Variants in LAMA1 observed in about 807,000 individuals in gnomAD.
LAMA1 encodes laminin subunit alpha-1.
LAMA1 carries 219 observed loss-of-function variants against 348.7 expected under a neutral mutation model. The ratio of observed to expected loss-of-function variants is 0.63; its 90% CI spans 0.56 to 0.70. The LOEUF (loss-of-function observed/expected upper bound fraction) is 0.70, where lower values mean the gene tolerates loss of function less well. Among genes scored for constraint, LAMA1 ranks in the 30% least tolerant of loss-of-function variants. LAMA1 has a pLI of 0.00. For synonymous variants in LAMA1, 1,487 were observed against 1,491.0 expected (o/e 1.00, Z 0.06); for missense variants, 3,744 against 3,888.0 (o/e 0.96, Z 0.99).
intron 3 of LAMA1, among the ~76,000 whole-genome samples, chr18:7,067,780 C>T (rs2058128818): frequency 1.3e-5 from 2 of 152,180 alleles, no homozygotes; most frequent in Non-Finnish European, 1.5e-5. Context: ...AATTTCCAGG[C>T]CTTTCCCACC....
intron 23 of LAMA1, 60 bp downstream of exon 23, chr18:7,013,755 C>G: frequency 6.5e-7 from 1 of 1,547,620 alleles, no homozygotes; most frequent in East Asian, 2.3e-5. Flanking sequence ...GTAGTCAAAG[C>G]CCAGGAGTCA....
In LAMA1 at chr18:7,042,259, C is replaced by T. The variant is rs759409724; in HGVS notation, c.1156-9G>A. ...TCCTCATAAGGAGACACCTGAAAGG[C>T]AGAGGTTGCCCTGGATTCTCTTACT... On this transcript the variant is annotated splice_polypyrimidine_tract_variant and intron_variant, in intron 8 of 62. Coordinates refer to ENST00000389658, the MANE Select transcript of LAMA1 (RefSeq NM_005559.4). 6.5e-6 allele frequency: 10 copies of T among 1,548,502 alleles called. No homozygotes were observed. Among genetic ancestry groups the T allele is most frequent in the African/African-American group, 1.4e-5 (1 of 73,520 alleles).
In LAMA1 at chr18:6,996,494, C is replaced by T. The variant is rs150206359; in HGVS notation, c.4807-1048G>A. ...TTTCCAATTAGAATTAAAAGTAGGT[C>T]GGGCGTGGTAGCTCATGCCTATAAT... On this transcript the variant is annotated intron_variant, in intron 33 of 62. Coordinates refer to ENST00000389658, the MANE Select transcript of LAMA1 (RefSeq NM_005559.4). Among the ~76,000 whole-genome samples, 1,013 of 152,150 alleles carry T rather than the reference C, an allele frequency of 6.7e-3. 16 individuals carry two copies. The highest frequency in any genetic ancestry group is 0.023 in the African/African-American group (946 of 41,502).
Position 7,007,273 on chromosome 18 carries a change from A to G in LAMA1, c.4126T>C (p.Cys1376Arg). The G allele has an allele frequency of 6.2e-7, 1 of 1,613,790 alleles. No homozygotes were observed. Among genetic ancestry groups the G allele is most frequent in the Non-Finnish European group, 8.5e-7 (1 of 1,179,810 alleles). ...PGTVGFSCQD[C>R]APGYHRGKLP... is the part of the protein sequence containing the mutation. ...TTCCCTCTGTGGTACCCAGGGGCGC[A>G]GTCCTGAGGGGGTGCAAAAGGGAGG... Residue 1376 changes from cysteine (C) to arginine (R), a missense_variant, in exon 29 of 63, where the codon TGC becomes CGC. By Grantham distance (180) the Cys-to-Arg change is radical (BLOSUM62 -3). Transcript: ENST00000389658.
chr18:7,031,529 T>C (rs559956380), intron 16 of LAMA1, among the ~76,000 whole-genome samples: 28 of 152,006 alleles, frequency 1.8e-4, no homozygotes, highest in African/African-American at 6.3e-4. Context: ...TGTAATATCA[T>C]GATTTAAAAA....
intron 3 of LAMA1, among the ~76,000 whole-genome samples, chr18:7,064,656 A>G (rs1568052546): frequency 6.6e-6 from 1 of 152,206 alleles, no homozygotes; most frequent in Non-Finnish European, 1.5e-5. Context: ...TCAGTCTATA[A>G]GACTGATACA....
chr18:6,965,645 C>T (rs1203454688), intron 49 of LAMA1: 11 of 575,172 alleles, frequency 1.9e-5, no homozygotes, highest in Non-Finnish European at 3.4e-5. Flanking sequence ...TCTGTTGTTA[C>T]CAAAATCCAC....
At chr18:6,997,468 G>A (rs1026256718) in intron 33 of LAMA1, among the ~76,000 whole-genome samples, 1 of 152,202 alleles carries the variant, frequency 6.6e-6, no homozygotes, top group African/African-American at 2.4e-5. Flanking sequence ...GGCAGAATGA[G>A]GGCCACAGAG....
chr18:6,970,227 C>A (rs1269533905), intron 48 of LAMA1, among the ~76,000 whole-genome samples: 2 of 152,148 alleles, frequency 1.3e-5, no homozygotes, highest in South Asian at 2.1e-4. Flanking sequence ...GAGGCAACAG[C>A]ATTTTTTATC....
At chr18:7,004,891 T>C (rs920872064) in intron 29 of LAMA1, among the ~76,000 whole-genome samples, 1 of 152,104 alleles carries the variant, frequency 6.6e-6, no homozygotes, top group African/African-American at 2.4e-5. Flanking sequence ...AGGCGCTATA[T>C]TGATGGGAAG....
At chr18:7,000,073 C>T in intron 30 of LAMA1, 76 bp from the exon 31 acceptor site, 3 of 1,033,996 alleles carry the variant, frequency 2.9e-6, no homozygotes, top group Non-Finnish European at 3.0e-6. Context: ...ATTCATTACT[C>T]TTAGGATACA....
At chr18:7,090,135 G>A (rs554967620) in intron 1 of LAMA1, among the ~76,000 whole-genome samples, 2 of 152,270 alleles carry the variant, frequency 1.3e-5, no homozygotes, top group East Asian at 1.9e-4. Context: ...CCCATAACAG[G>A]AGTCCCCTGC....
At chr18:7,065,883 G>A (rs1010700733) in intron 3 of LAMA1, among the ~76,000 whole-genome samples, 6 of 152,150 alleles carry the variant, frequency 3.9e-5, no homozygotes, top group Admixed American at 1.3e-4. Context: ...CTTCATTTCC[G>A]AAACAGTCAG....
rs1367382463 is a variant in LAMA1, at chr18:6,982,486, C to T, written c.5890+11G>A. 3 of 1,613,042 alleles carry T rather than the reference C, an allele frequency of 1.9e-6. No homozygotes were observed. Among genetic ancestry groups the T allele is most frequent in the Non-Finnish European group, 2.5e-6 (3 of 1,179,086 alleles). On this transcript the variant is annotated intron_variant, in intron 41 of 62. Transcript: ENST00000389658. ...CTCTGCCTGTCTACACCGTCCGAGC[C>T]ACATACTGACCTGGAAGCTTCCTGC...
At chr18:6,973,465 C>G (rs998905841) in intron 46 of LAMA1, among the ~76,000 whole-genome samples, 1 of 152,126 alleles carries the variant, frequency 6.6e-6, no homozygotes, top group Non-Finnish European at 1.5e-5. Flanking sequence ...GATATGTCTA[C>G]TCCGTAAATA....
chr18:7,058,969 A>G, intron 3 of LAMA1, among the ~76,000 whole-genome samples: 1 of 152,174 alleles, frequency 6.6e-6, no homozygotes, highest in East Asian at 1.9e-4. Flanking sequence ...GACTCACTGC[A>G]ACCTCTGCCT....
At chr18:6,969,090 A>G (rs574794257) in intron 48 of LAMA1, among the ~76,000 whole-genome samples, 1 of 152,280 alleles carries the variant, frequency 6.6e-6, no homozygotes, top group East Asian at 1.9e-4. Flanking sequence ...GTCTGTGCCT[A>G]TATCAGCACT....
At chr18:6,960,004 T>C (rs985569726) in intron 53 of LAMA1, 3 of 204,978 alleles carry the variant, frequency 1.5e-5, no homozygotes, top group African/African-American at 7.0e-5. Flanking sequence ...CGTGAGTATC[T>C]CACAATACCC....
intron 36 of LAMA1, among the ~76,000 whole-genome samples, chr18:6,989,834 C>G (rs1014116015): frequency 1.3e-5 from 2 of 152,158 alleles, no homozygotes; most frequent in Admixed American, 6.5e-5. Context: ...CTCAGCCCCC[C>G]ACACATCTGA....
Sources: allele counts gnomAD v4.1 joint callset (sites outside exome capture counted in the v4.1 genomes callset), GRCh38; gene constraint gnomAD v4.1.1; transcripts MANE v1.5; gene names NCBI Gene and HGNC (gene_info 2026-07-23, HGNC 2026-07-21).